The following NKAIN2 variants were observed in gnomAD, a reference collection of about 807,000 sequenced individuals.
The protein encoded by NKAIN2 is sodium/potassium-transporting ATPase subunit beta-1-interacting protein 2.
Under a neutral mutation model 32.6 loss-of-function variants are expected in NKAIN2, and 14 were observed. That is an observed-to-expected ratio of 0.43 (90% CI 0.28 to 0.67). The LOEUF is 0.67. NKAIN2 is among the 30% of genes least tolerant of loss of function. NKAIN2 has a pLI of 0.17. For missense variants in NKAIN2, 198 were observed against 258.3 expected (o/e 0.77, Z 1.60); for synonymous variants, 80 against 87.2 (o/e 0.92, Z 0.46).
At chr6:124,182,574 T>A (rs1789498316) in intron 1 of NKAIN2, among the ~76,000 whole-genome samples, 1 of 152,192 alleles carries the variant, frequency 6.6e-6, no homozygotes, top group Admixed American at 6.5e-5. Context: ...GAAATTAAAT[T>A]TTACTTATAT....
intron 4 of NKAIN2, among the ~76,000 whole-genome samples, chr6:124,726,507 G>A (rs539534293): frequency 5.4e-4 from 82 of 150,922 alleles, no homozygotes; most frequent in African/African-American, 2.0e-3. Flanking sequence ...CCTGCTGTTA[G>A]AAGGAAAACT....
At chr6:123,810,039 T>C (rs1278262887) in intron 1 of NKAIN2, among the ~76,000 whole-genome samples, 1 of 152,174 alleles carries the variant, frequency 6.6e-6, no homozygotes, top group Non-Finnish European at 1.5e-5. Flanking sequence ...AAAACTATTA[T>C]TTATTGGAAG....
chr6:124,364,749 G>C (rs1318557617), intron 3 of NKAIN2, among the ~76,000 whole-genome samples: 1 of 151,788 alleles, frequency 6.6e-6, no homozygotes, highest in Non-Finnish European at 1.5e-5. Flanking sequence ...TCTTTAGGCA[G>C]AGTGAGAAAA....
At chr6:124,271,736 G>A (rs1191346016) in intron 1 of NKAIN2, among the ~76,000 whole-genome samples, 1 of 152,188 alleles carries the variant, frequency 6.6e-6, no homozygotes, top group Non-Finnish European at 1.5e-5. Context: ...GAGACTTGTT[G>A]AATGGTTTTG....
At chr6:123,866,282 G>T (rs577372627) in intron 1 of NKAIN2, among the ~76,000 whole-genome samples, 1 of 152,002 alleles carries the variant, frequency 6.6e-6, no homozygotes, top group African/African-American at 2.4e-5. Flanking sequence ...TCCTATCCTT[G>T]ACAGCCACAT....
At chr6:124,486,378 C>T (rs1777650162) in intron 3 of NKAIN2, among the ~76,000 whole-genome samples, 1 of 152,080 alleles carries the variant, frequency 6.6e-6, no homozygotes, top group Non-Finnish European at 1.5e-5. Flanking sequence ...AAAAAAACCT[C>T]TTACTCCTTT....
intron 3 of NKAIN2, among the ~76,000 whole-genome samples, chr6:124,546,477 A>AGCATG (rs2114856499): frequency 6.6e-6 from 1 of 152,242 alleles, no homozygotes; most frequent in African/African-American, 2.4e-5. Flanking sequence ...AGAGATGCTT[A>AGCATG]GCATGGTGCC....
intron 3 of NKAIN2, among the ~76,000 whole-genome samples, chr6:124,519,688 T>A (rs1779050320): frequency 6.6e-6 from 1 of 152,122 alleles, no homozygotes; most frequent in African/African-American, 2.4e-5. Context: ...TAAATACCTA[T>A]TCAGAAGAAG....
chr6:124,368,880 A>G (rs868432847), intron 3 of NKAIN2, among the ~76,000 whole-genome samples: 1 of 152,148 alleles, frequency 6.6e-6, no homozygotes, highest in African/African-American at 2.4e-5. Flanking sequence ...TTATTCTCTC[A>G]TAGATCAAAA....
rs537558435 is a variant in NKAIN2 at position 124,280,927 on chromosome 6, C to T, written c.55-2078C>T. On this transcript the variant is annotated intron_variant, in intron 1 of 6. Coordinates refer to ENST00000368417, the MANE Select transcript of NKAIN2 (RefSeq NM_001040214.3). ...GCAAAGAATTACAGATTAGCTTGTT[C>T]AGTCTGCACAAACTTGTAAGTAAGA... 2.0e-5 allele frequency among the ~76,000 whole-genome samples: 3 copies of T among 152,290 alleles called. No homozygotes were observed. In the East Asian group the frequency reaches 5.8e-4, roughly 29 times the overall value.
chr6:124,494,877 AAAGT>A (rs1172194077), intron 3 of NKAIN2, among the ~76,000 whole-genome samples: 1 of 152,092 alleles, frequency 6.6e-6, no homozygotes, highest in Non-Finnish European at 1.5e-5. Flanking sequence ...ATAAAACAAG[AAAGT>A]AAGGAACTCA....
At chr6:124,431,796 A>T (rs913897809) in intron 3 of NKAIN2, among the ~76,000 whole-genome samples, 2 of 152,216 alleles carry the variant, frequency 1.3e-5, no homozygotes, top group African/African-American at 4.8e-5. Flanking sequence ...GTGTTCATAT[A>T]TCTAAATATC....
At chr6:123,886,897 A>C (rs1249628718) in intron 1 of NKAIN2, among the ~76,000 whole-genome samples, 4 of 152,058 alleles carry the variant, frequency 2.6e-5, no homozygotes, top group Non-Finnish European at 5.9e-5. Context: ...ACTTAATAAC[A>C]GGGCACAGTG....
At chr6:123,839,646 A>C (rs1473583901) in intron 1 of NKAIN2, among the ~76,000 whole-genome samples, 1 of 152,190 alleles carries the variant, frequency 6.6e-6, no homozygotes, top group Non-Finnish European at 1.5e-5. Flanking sequence ...TTTCTTTTGC[A>C]ACACTACAGC....
Position 123,804,007 on chromosome 6 carries a change from TGCCGCCGCCGCC to T in NKAIN2, c.-185_-174del. 3.3e-6 allele frequency: 2 copies of T among 599,170 alleles called. No homozygotes were observed. The highest frequency in any genetic ancestry group is 5.9e-6 in the Non-Finnish European group (2 of 336,364). 37.1% of individuals were successfully genotyped at this position (599,170 alleles called of 1,614,324 possible). A position where few individuals can be genotyped will look rare whatever the true frequency, so the allele number is the denominator to read the frequency against. ...TATGTGTGGCGGGCGCGGCTGGAGC[TGCCGCCGCCGCC>T]GCCGCCGCGCCAGCAGGTCCTAATG... On this transcript the variant is annotated 5_prime_UTR_variant, in exon 1 of 7. Coordinates refer to ENST00000368417, the MANE Select transcript of NKAIN2 (RefSeq NM_001040214.3).
At chr6:123,858,698 C>A (rs1313055448) in intron 1 of NKAIN2, among the ~76,000 whole-genome samples, 1 of 152,032 alleles carries the variant, frequency 6.6e-6, no homozygotes, top group Non-Finnish European at 1.5e-5. Flanking sequence ...CATATTGGGC[C>A]ACCATCAAAA....
At chr6:124,530,575 G>C (rs1160101504) in intron 3 of NKAIN2, among the ~76,000 whole-genome samples, 1 of 152,142 alleles carries the variant, frequency 6.6e-6, no homozygotes, top group African/African-American at 2.4e-5. Context: ...AGGGTCAACT[G>C]TGTGTAGACA....
chr6:124,235,606 T>G (rs1341224742), intron 1 of NKAIN2, among the ~76,000 whole-genome samples: 6 of 151,650 alleles, frequency 4.0e-5, no homozygotes, highest in East Asian at 1.9e-4. Flanking sequence ...TTTGTTGTTT[T>G]TTTTTTTCCT....
intron 1 of NKAIN2, among the ~76,000 whole-genome samples, chr6:123,867,926 T>A (rs935250736): frequency 6.6e-6 from 1 of 150,432 alleles, no homozygotes; most frequent in Admixed American, 6.7e-5. Context: ...TGGAGTGCAG[T>A]GGCGTGATCT....
Sources: gnomAD v4.1 joint callset for allele counts (sites outside exome capture counted in the v4.1 genomes callset) on GRCh38, gnomAD v4.1.1 for gene constraint, MANE v1.5 for transcripts, NCBI Gene and HGNC (gene_info 2026-07-23, HGNC 2026-07-21) for gene names.